The following FXR1 variants were observed in gnomAD, a reference collection of about 807,000 sequenced individuals.
The protein encoded by FXR1 is FMR1 autosomal homolog 1.
FXR1 carries 15 observed loss-of-function variants against 84.0 expected under a neutral mutation model. The ratio of observed to expected loss-of-function variants is 0.18; its 90% CI spans 0.12 to 0.27. The LOEUF (loss-of-function observed/expected upper bound fraction) is 0.27. Ranked by LOEUF, FXR1 falls within the 10% of genes least tolerant of loss-of-function variation. The pLI is 1.00. For missense variants in FXR1, 480 were observed against 774.4 expected, an observed-to-expected ratio of 0.62 and a Z score of 4.51; for synonymous variants, 245 against 250.7, an observed-to-expected ratio of 0.98 and a Z score of 0.21.
chr3:180,968,891 G>A (rs558070746), intron 14 of FXR1, among the ~76,000 whole-genome samples: 5 of 152,092 alleles, frequency 3.3e-5, no homozygotes, highest in East Asian at 1.9e-4. Flanking sequence ...TTACCATAAC[G>A]GGCTAGGGAG....
intron 14 of FXR1, among the ~76,000 whole-genome samples, chr3:180,969,519 T>G (rs938485042): frequency 2.6e-5 from 4 of 152,222 alleles, no homozygotes; most frequent in Non-Finnish European, 5.9e-5. Flanking sequence ...TCCATAATGT[T>G]TCTAAAGATG....
intron 10 of FXR1, among the ~76,000 whole-genome samples, 195 bp downstream of exon 10, chr3:180,958,123 G>T (rs1258327874): frequency 6.6e-6 from 1 of 152,008 alleles, no homozygotes; most frequent in Non-Finnish European, 1.5e-5. Flanking sequence ...TAGTTGTTTT[G>T]ATAGTACTTC....
Position 180,979,730 on chromosome 3 carries a change from G to A in FXR1, c.*3438G>A, listed in dbSNP as rs1375391871. 7 of 152,044 alleles carry A rather than the reference G, an allele frequency of 4.6e-5. No homozygotes were observed. The highest frequency in any genetic ancestry group is 8.8e-5 in the Non-Finnish European group (6 of 67,974). The allele number at this position is 152,044 out of a possible 1,614,324, so 9.4% of individuals were successfully genotyped here. On this transcript the variant is annotated 3_prime_UTR_variant, in exon 17 of 17. Coordinates refer to ENST00000357559, the MANE Select transcript of FXR1 (RefSeq NM_005087.4). Reference sequence around the variant, plus strand: ...GCAAGTGGTGTTAAAACTGATTTAAGTCCATTACACTGAACAGTAGGAAAT... The same window carrying A: ...GCAAGTGGTGTTAAAACTGATTTAAATCCATTACACTGAACAGTAGGAAAT...
chr3:180,970,534 T>A (rs911186370), intron 15 of FXR1, 176 bp downstream of exon 15: 1 of 180,388 alleles, frequency 5.5e-6, no homozygotes, highest in African/African-American at 2.4e-5. Context: ...TTGTCTATCT[T>A]AAATGTTTAG....
intron 3 of FXR1, among the ~76,000 whole-genome samples, chr3:180,942,736 C>G (rs947428452): frequency 6.6e-6 from 1 of 152,086 alleles, no homozygotes; most frequent in African/African-American, 2.4e-5. Context: ...GTGAATTGTT[C>G]CTGCGAAATA....
chr3:180,954,988 T>TA (rs1722605917), intron 9 of FXR1, among the ~76,000 whole-genome samples: 1 of 93,976 alleles, frequency 1.1e-5, no homozygotes, highest in African/African-American at 3.2e-5. Flanking sequence ...TAAAAATAAA[T>TA]TTTTTTTTTT....
chr3:180,939,334 T>C (rs1720876260), intron 3 of FXR1, among the ~76,000 whole-genome samples: 1 of 152,212 alleles, frequency 6.6e-6, no homozygotes, highest in African/African-American at 2.4e-5. Flanking sequence ...AATTTTTTGG[T>C]CAATAAACAC....
chr3:180,976,508 A>T lies in FXR1; in HGVS notation c.*216A>T. ...AAAATATATCATCAGATGTGCCTTG[A>T]GAATAGTATATGTAACATTAAAAAA... On this transcript the variant is annotated 3_prime_UTR_variant, in exon 17 of 17. Transcript: ENST00000357559. 3.3e-6 allele frequency: 1 copy of T among 305,304 alleles called. No individual in the cohort carries two copies. The allele number at this position is 305,304 out of a possible 1,614,324, so 18.9% of individuals were successfully genotyped here. A position where few individuals can be genotyped will look rare whatever the true frequency, so the allele number is the denominator to read the frequency against.
chr3:180,914,824 A>T (rs1717685687), intron 1 of FXR1: 1 of 984,970 alleles, frequency 1.0e-6, no homozygotes, highest in African/African-American at 1.7e-5. Flanking sequence ...GACACTAGCC[A>T]CCTGTGTGTG....
chr3:180,979,529 A>G lies in FXR1; in HGVS notation c.*3237A>G, dbSNP rs181123657. 8 of 152,082 alleles carry G rather than the reference A, an allele frequency of 5.3e-5. No individual in the cohort carries two copies. The highest frequency in any genetic ancestry group is 1.9e-4 in the East Asian group (1 of 5,168). 9.4% of individuals were successfully genotyped at this position (152,082 alleles called of 1,614,324 possible). A position where few individuals can be genotyped will look rare whatever the true frequency, so the allele number is the denominator to read the frequency against. On this transcript the variant is annotated 3_prime_UTR_variant, in exon 17 of 17. Transcript: ENST00000357559. ...TTTTCGTTAAGAATATCTGTCTGCTATAGTGAATTTGCTAGCCCCTTATTT... is the reference window on the plus strand; with the variant it reads ...TTTTCGTTAAGAATATCTGTCTGCTGTAGTGAATTTGCTAGCCCCTTATTT...
chr3:180,957,289 T>C, intron 9 of FXR1, among the ~76,000 whole-genome samples: 1 of 152,210 alleles, frequency 6.6e-6, no homozygotes, highest in Non-Finnish European at 1.5e-5. Flanking sequence ...TATATAGCTG[T>C]GGAGTACTTG....
intron 10 of FXR1, among the ~76,000 whole-genome samples, chr3:180,959,350 GT>G (rs11336001): frequency 0.011 from 1,624 of 144,098 alleles, 38 homozygotes; most frequent in African/African-American, 0.039. Flanking sequence ...AATGTTTAGT[GT>G]TTTTTTTTTT....
intron 3 of FXR1, among the ~76,000 whole-genome samples, chr3:180,944,096 A>G (rs541044774): frequency 6.6e-6 from 1 of 150,814 alleles, no homozygotes; most frequent in East Asian, 2.0e-4. Context: ...TTGTATTTTT[A>G]GTAGAGACAG....
chr3:180,916,428 C>T (rs977280290), intron 1 of FXR1, among the ~76,000 whole-genome samples: 2 of 152,186 alleles, frequency 1.3e-5, no homozygotes, highest in African/African-American at 4.8e-5. Flanking sequence ...GAATCTTGCT[C>T]TTTTGCCCGG....
intron 1 of FXR1, among the ~76,000 whole-genome samples, chr3:180,919,370 C>T (rs575314862): frequency 2.7e-5 from 4 of 147,618 alleles, no homozygotes; most frequent in Non-Finnish European, 4.5e-5. Flanking sequence ...TTGCAACTTC[C>T]GCCTCCTGGG....
At chr3:180,915,940 G>T (rs1379966887) in intron 1 of FXR1, among the ~76,000 whole-genome samples, 1 of 152,180 alleles carries the variant, frequency 6.6e-6, no homozygotes, top group Non-Finnish European at 1.5e-5. Flanking sequence ...TGGCTCTATA[G>T]TTAGAGATAT....
chr3:180,916,295 C>T (rs1371227881), intron 1 of FXR1, among the ~76,000 whole-genome samples: 4 of 152,210 alleles, frequency 2.6e-5, no homozygotes, highest in Non-Finnish European at 5.9e-5. Flanking sequence ...ACCTCCGGCT[C>T]ATTTGCATCA....
chr3:180,980,335 C>T lies in FXR1; in HGVS notation c.*4043C>T, dbSNP rs1356266419. 2 of 151,940 alleles carry T rather than the reference C, an allele frequency of 1.3e-5. No homozygotes were observed. Among genetic ancestry groups the T allele is most frequent in the African/African-American group, 4.8e-5 (2 of 41,396 alleles). 9.4% of individuals were successfully genotyped at this position (151,940 alleles called of 1,614,324 possible). On this transcript the variant is annotated 3_prime_UTR_variant, in exon 17 of 17. Transcript: ENST00000357559. Reference sequence around the variant, plus strand: ...TCTTACAGCCCCACTATTAAGTATGCTACTAATTAGCTTCTTGAATTTCTT... The same window carrying T: ...TCTTACAGCCCCACTATTAAGTATGTTACTAATTAGCTTCTTGAATTTCTT...
intron 14 of FXR1, among the ~76,000 whole-genome samples, chr3:180,968,823 C>T (rs1316272308): frequency 6.6e-6 from 1 of 152,080 alleles, no homozygotes; most frequent in Non-Finnish European, 1.5e-5. Context: ...TTACTTCTGT[C>T]TTCTAAAATT....
Sources: gnomAD v4.1 joint callset for allele counts (sites outside exome capture counted in the v4.1 genomes callset) on GRCh38, gnomAD v4.1.1 for gene constraint, MANE v1.5 for transcripts, NCBI Gene and HGNC (gene_info 2026-07-23, HGNC 2026-07-21) for gene names.